The following ANKRD62 variants were observed in gnomAD, a reference collection of about 807,000 sequenced individuals.
ANKRD62 encodes ankyrin repeat domain-containing protein 62.
Under a neutral mutation model 98.8 loss-of-function variants are expected in ANKRD62, and 61 were observed. The observed-to-expected ratio is 0.62, with a 90% CI of 0.50 to 0.76. The LOEUF is 0.76. Among genes scored for constraint, ANKRD62 ranks in the 30% least tolerant of loss-of-function variants. ANKRD62 has a pLI of 0.00. For missense variants in ANKRD62, 933 were observed against 1,082.9 expected (o/e 0.86, Z 1.94); for synonymous variants, 341 against 367.9 (o/e 0.93, Z 0.84).
chr18:12,163,220 A>G, the ANKRD62 span, among the ~76,000 whole-genome samples: 1 of 151,868 alleles, frequency 6.6e-6, no homozygotes, highest in South Asian at 2.1e-4. Context: ...GAGATCTTTC[A>G]CTTCTGTGTT....
At chr18:12,115,222 T>A (rs751025583) in intron 9 of ANKRD62, 101 bp downstream of exon 9, 213 of 1,296,096 alleles carry the variant, frequency 1.6e-4, no homozygotes, top group Non-Finnish European at 2.1e-4. Context: ...TTGACTTTGA[T>A]AAAGCAGCGG....
downstream of ANKRD62, among the ~76,000 whole-genome samples, chr18:12,131,845 T>C (rs541827766): frequency 6.6e-6 from 1 of 152,316 alleles, no homozygotes; most frequent in Non-Finnish European, 1.5e-5. Context: ...ACTGTTATGA[T>C]TTTTGTAGCT....
At chr18:12,173,898 C>G in the ANKRD62 span, among the ~76,000 whole-genome samples, 1 of 152,180 alleles carries the variant, frequency 6.6e-6, no homozygotes, top group Non-Finnish European at 1.5e-5. Context: ...GTGAGCTGAC[C>G]TTTCTCTCTA....
At chr18:12,107,575 A>G in intron 8 of ANKRD62, 108 bp downstream of exon 8, 1 of 884,318 alleles carries the variant, frequency 1.1e-6, no homozygotes, top group Non-Finnish European at 1.5e-6. Context: ...TTTTATGAGG[A>G]ATATTCTGCC....
chr18:12,110,417 A>C (rs1909514204), intron 8 of ANKRD62, among the ~76,000 whole-genome samples: 1 of 152,204 alleles, frequency 6.6e-6, no homozygotes, highest in African/African-American at 2.4e-5. Context: ...GGCTTTATTC[A>C]TTTATACCAT....
At chr18:12,103,079 C>T (rs955347008) in intron 6 of ANKRD62, 79 bp from the exon 7 acceptor site, 1 of 1,005,800 alleles carries the variant, frequency 9.9e-7, no homozygotes, top group Non-Finnish European at 1.3e-6. Context: ...ATGTTATTTT[C>T]TATTTTTATA....
At chr18:12,179,486 G>A in the ANKRD62 span, among the ~76,000 whole-genome samples, 1 of 145,212 alleles carries the variant, frequency 6.9e-6, no homozygotes, top group East Asian at 2.2e-4. Context: ...CAGAGGGGTA[G>A]GACAAAACAA....
chr18:12,160,292 G>A, the ANKRD62 span, among the ~76,000 whole-genome samples: 2 of 152,180 alleles, frequency 1.3e-5, no homozygotes, highest in African/African-American at 4.8e-5. Context: ...TAAACAATGT[G>A]TGTGTGTGCA....
chr18:12,158,755 C>T, the ANKRD62 span, among the ~76,000 whole-genome samples: 1 of 149,736 alleles, frequency 6.7e-6, no homozygotes, highest in Non-Finnish European at 1.5e-5. Flanking sequence ...AGCGTGGTCT[C>T]GATCTCCTGA....
At chr18:12,170,732 T>C in the ANKRD62 span, among the ~76,000 whole-genome samples, 1 of 152,212 alleles carries the variant, frequency 6.6e-6, no homozygotes, top group Non-Finnish European at 1.5e-5. Flanking sequence ...CAGTGGTGTG[T>C]TAAAGTCTCC....
At chr18:12,150,563 T>C in the ANKRD62 span, among the ~76,000 whole-genome samples, 9 of 152,252 alleles carry the variant, frequency 5.9e-5, no homozygotes, top group East Asian at 1.5e-3. Flanking sequence ...AAAGGGCAGG[T>C]CACCTACAAA....
downstream of ANKRD62, among the ~76,000 whole-genome samples, chr18:12,131,431 A>G (rs1452041238): frequency 2.0e-5 from 3 of 152,238 alleles, no homozygotes; most frequent in Non-Finnish European, 4.4e-5. Flanking sequence ...GTGAAAACAA[A>G]CATTCATAAT....
chr18:12,099,394 A>G (rs1238020893), intron 5 of ANKRD62, among the ~76,000 whole-genome samples: 2 of 151,700 alleles, frequency 1.3e-5, no homozygotes, highest in African/African-American at 2.4e-5. Context: ...CATTATGTCA[A>G]CTTCACATGA....
chr18:12,139,002 G>A, the ANKRD62 span, among the ~76,000 whole-genome samples: 16 of 152,112 alleles, frequency 1.1e-4, no homozygotes, highest in African/African-American at 2.9e-4. Flanking sequence ...TATCCAATTT[G>A]CCAGTCTGTG....
intron 13 of ANKRD62, among the ~76,000 whole-genome samples, chr18:12,127,211 G>C (rs1349155781): frequency 1.3e-5 from 2 of 152,158 alleles, no homozygotes; most frequent in Non-Finnish European, 2.9e-5. Context: ...AGACTAATGA[G>C]GGGTGGTAGG....
the ANKRD62 span, among the ~76,000 whole-genome samples, chr18:12,171,472 C>A: frequency 6.6e-6 from 1 of 152,196 alleles, no homozygotes; most frequent in Non-Finnish European, 1.5e-5. Flanking sequence ...GGCCCCCACT[C>A]TCTTCTGGCT....
chr18:12,150,279 A>G, the ANKRD62 span, among the ~76,000 whole-genome samples: 12 of 152,224 alleles, frequency 7.9e-5, no homozygotes, highest in Non-Finnish European at 1.5e-4. Context: ...AGACATGAAC[A>G]AAACCTCTGA....
chr18:12,121,828 A>G (rs554534907), intron 10 of ANKRD62, among the ~76,000 whole-genome samples: 2 of 152,312 alleles, frequency 1.3e-5, no homozygotes, highest in Admixed American at 6.5e-5. Flanking sequence ...TGTTTCAGGT[A>G]AGGAGGAAAA....
At chr18:12,113,521 G>A (rs1283690953) in intron 8 of ANKRD62, among the ~76,000 whole-genome samples, 1 of 152,216 alleles carries the variant, frequency 6.6e-6, no homozygotes, top group Non-Finnish European at 1.5e-5. Context: ...TGCTACACAG[G>A]AGGCTAAGGC....
Sources: gnomAD v4.1 joint callset for allele counts (sites outside exome capture counted in the v4.1 genomes callset) on GRCh38, gnomAD v4.1.1 for gene constraint, MANE v1.5 for transcripts, NCBI Gene and HGNC (gene_info 2026-07-23, HGNC 2026-07-21) for gene names.